Variants in PLEKHG1 observed in about 807,000 individuals in gnomAD.
PLEKHG1 encodes the protein pleckstrin homology domain-containing family G member 1.
In PLEKHG1, 44 loss-of-function variants were observed where a neutral mutation model predicts 100.8. That is an observed-to-expected ratio of 0.44 (90% CI 0.34 to 0.56). The LOEUF (loss-of-function observed/expected upper bound fraction) is 0.56, where lower values mean the gene tolerates loss of function less well. PLEKHG1 is among the 20% of genes least tolerant of loss of function. The pLI is 0.01. For missense variants in PLEKHG1, 1,545 were observed against 1,720.9 expected, an observed-to-expected ratio of 0.90 and a Z score of 1.81; for synonymous variants, 640 against 662.5, an observed-to-expected ratio of 0.97 and a Z score of 0.52.
intron 2 of PLEKHG1, among the ~76,000 whole-genome samples, chr6:150,765,497 G>A (rs60648926): frequency 0.4 from 58,657 of 145,208 alleles, 15,803 homozygotes; most frequent in African/African-American, 0.76. Flanking sequence ...CTGTCTCAAA[G>A]AAAAAAAAAA....
At chr6:150,660,320 A>G (rs1779136891) in intron 3 of PLEKHG1, among the ~76,000 whole-genome samples, 1 of 152,230 alleles carries the variant, frequency 6.6e-6, no homozygotes, top group African/African-American at 2.4e-5. Context: ...AGAAACCTTA[A>G]AACATGGCTG....
chr6:150,705,082 A>T (rs2128601153), intron 3 of PLEKHG1, among the ~76,000 whole-genome samples: 1 of 152,242 alleles, frequency 6.6e-6, no homozygotes, highest in Non-Finnish European at 1.5e-5. Context: ...GGGGGGACAA[A>T]ATTCAGTCCA....
chr6:150,719,660 G>A (rs2128608631), upstream of PLEKHG1, among the ~76,000 whole-genome samples: 1 of 152,278 alleles, frequency 6.6e-6, no homozygotes, highest in African/African-American at 2.4e-5. Flanking sequence ...GCTCTTCGTT[G>A]AGCAGGAGGG....
chr6:150,626,307 A>G (rs941106313), intron 1 of PLEKHG1, among the ~76,000 whole-genome samples: 1 of 152,192 alleles, frequency 6.6e-6, no homozygotes, highest in Non-Finnish European at 1.5e-5. Flanking sequence ...AAAGGGTGTT[A>G]TCTTCAGAGG....
chr6:150,816,019 A>G (rs1405553085), intron 10 of PLEKHG1, among the ~76,000 whole-genome samples: 1 of 152,140 alleles, frequency 6.6e-6, no homozygotes, highest in Non-Finnish European at 1.5e-5. Context: ...ACTACATGGT[A>G]ATATATAATG....
At position 150,818,332 on chromosome 6, in the gene PLEKHG1, C is replaced by G. The variant is rs945641297; in HGVS notation, c.1312+116C>G. On this transcript the variant is annotated intron_variant, in intron 11 of 15. Transcript: ENST00000358517. ...TGTTAGAAAATAGTATCTCTCTATT[C>G]ACTGTTTTCACAAATTGGGTAGACA... The G allele has an allele frequency of 3.8e-5, 30 of 789,128 alleles. No homozygotes were observed. The African/African-American group carries it at 4.8e-4, about 13-fold the overall frequency. The allele number at this position is 789,128 out of a possible 1,614,324, so 48.9% of individuals were successfully genotyped here.
chr6:150,664,231 A>G (rs1779314570), intron 3 of PLEKHG1: 1 of 152,232 alleles, frequency 6.6e-6, no homozygotes, highest in Non-Finnish European at 1.5e-5. Context: ...AAACCTCTTC[A>G]CAGCCTTTCA....
At chr6:150,682,695 C>T (rs1204581995) in intron 3 of PLEKHG1, among the ~76,000 whole-genome samples, 1 of 152,152 alleles carries the variant, frequency 6.6e-6, no homozygotes, top group Non-Finnish European at 1.5e-5. Flanking sequence ...CACACGGGAG[C>T]AGACCTTGCA....
At chr6:150,640,342 T>C (rs1433411187) in intron 2 of PLEKHG1, among the ~76,000 whole-genome samples, 1 of 152,190 alleles carries the variant, frequency 6.6e-6, no homozygotes, top group Admixed American at 6.5e-5. Context: ...TCCGAGCAAA[T>C]AGAAATCACT....
chr6:150,798,961 G>A (rs1221430686), intron 5 of PLEKHG1, among the ~76,000 whole-genome samples: 2 of 151,846 alleles, frequency 1.3e-5, no homozygotes, highest in African/African-American at 2.4e-5. Flanking sequence ...GGCTGGTCTC[G>A]AACTCCTGAC....
At chr6:150,652,951 G>A (rs1236825623) in intron 3 of PLEKHG1, among the ~76,000 whole-genome samples, 1 of 152,156 alleles carries the variant, frequency 6.6e-6, no homozygotes, top group Non-Finnish European at 1.5e-5. Flanking sequence ...CAGTATTTTA[G>A]TAGAGTCAAG....
intron 2 of PLEKHG1, among the ~76,000 whole-genome samples, chr6:150,761,429 T>G (rs569253591): frequency 1.1e-3 from 165 of 152,292 alleles, no homozygotes; most frequent in Non-Finnish European, 5.0e-4. Context: ...TGCCTCAGCC[T>G]CTCGAGTAGC....
chr6:150,680,311 A>G (rs1779889491), intron 3 of PLEKHG1, among the ~76,000 whole-genome samples: 1 of 152,182 alleles, frequency 6.6e-6, no homozygotes, highest in African/African-American at 2.4e-5. Context: ...GGAGTGATGG[A>G]AAAAAGGTGG....
chr6:150,611,941 G>A (rs1037068831), intron 1 of PLEKHG1, among the ~76,000 whole-genome samples: 2 of 152,012 alleles, frequency 1.3e-5, no homozygotes, highest in Non-Finnish European at 2.9e-5. Context: ...AAATGGGGTT[G>A]GGGATTTATC....
chr6:150,814,475 T>C (rs977983571), intron 10 of PLEKHG1, among the ~76,000 whole-genome samples: 1 of 152,272 alleles, frequency 6.6e-6, no homozygotes. Context: ...TTACAACTTA[T>C]TGAGCATACA....
At chr6:150,744,391 C>T (rs1783040379) in intron 2 of PLEKHG1, among the ~76,000 whole-genome samples, 2 of 152,156 alleles carry the variant, frequency 1.3e-5, no homozygotes, top group South Asian at 4.2e-4. Context: ...TTCTTTTAAC[C>T]TCATTTCTGT....
intron 3 of PLEKHG1, among the ~76,000 whole-genome samples, chr6:150,684,369 G>T (rs757985038): frequency 6.6e-6 from 1 of 152,168 alleles, no homozygotes; most frequent in Non-Finnish European, 1.5e-5. Context: ...TGGCTGTTTC[G>T]GGAATGACGA....
intron 2 of PLEKHG1, among the ~76,000 whole-genome samples, chr6:150,643,223 T>C (rs1266573556): frequency 1.3e-5 from 2 of 152,206 alleles, no homozygotes; most frequent in African/African-American, 4.8e-5. Flanking sequence ...CAGGAAATGG[T>C]AAAAATCTAA....
exon 2 of PLEKHG1, chr6:150,733,717 C>T (rs79272084): frequency 5.2e-5 from 84 of 1,614,096 alleles, no homozygotes; most frequent in Admixed American, 2.5e-4. Flanking sequence ...CCGTCAGCTT[C>T]GGTTCCACAT....
Sources: gnomAD v4.1 joint callset for allele counts (sites outside exome capture counted in the v4.1 genomes callset) on GRCh38, gnomAD v4.1.1 for gene constraint, MANE v1.5 for transcripts, NCBI Gene and HGNC (gene_info 2026-07-23, HGNC 2026-07-21) for gene names.